The following KCNU1 variants were observed in gnomAD, a reference collection of about 807,000 sequenced individuals.
The protein encoded by KCNU1 is potassium channel subfamily U member 1.
A neutral mutation model predicts 126.8 loss-of-function variants in KCNU1; 93 were observed. That is an observed-to-expected ratio of 0.73 (90% CI 0.62 to 0.87). The LOEUF (loss-of-function observed/expected upper bound fraction) is 0.87, where lower values mean the gene tolerates loss of function less well. Among genes scored for constraint, KCNU1 ranks in the 40% least tolerant of loss-of-function variants. The pLI, the probability that KCNU1 is intolerant of heterozygous loss-of-function variation, is 0.00. For missense variants in KCNU1, 1,330 were observed against 1,367.1 expected (o/e 0.97, Z 0.43); for synonymous variants, 523 against 494.2 (o/e 1.06, Z -0.77).
At chr8:36,879,302 A>C (rs1291581936) in intron 19 of KCNU1, among the ~76,000 whole-genome samples, 1 of 149,608 alleles carries the variant, frequency 6.7e-6, no homozygotes, top group Non-Finnish European at 1.5e-5. Context: ...ATATATACCC[A>C]TATATGCTGT....
intron 18 of KCNU1, among the ~76,000 whole-genome samples, chr8:36,857,205 G>A (rs542638078): frequency 3.3e-5 from 5 of 152,186 alleles, no homozygotes; most frequent in Non-Finnish European, 7.3e-5. Flanking sequence ...CTCTGCCTTG[G>A]GGGTGAGCTG....
chr8:36,863,656 G>A (rs758780238), intron 18 of KCNU1, among the ~76,000 whole-genome samples: 1 of 152,124 alleles, frequency 6.6e-6, no homozygotes, highest in Non-Finnish European at 1.5e-5. Context: ...TGATTCTTGG[G>A]TTGAATCTGG....
intron 2 of KCNU1, among the ~76,000 whole-genome samples, chr8:36,794,271 C>T (rs1585379805): frequency 1.3e-5 from 2 of 151,550 alleles, no homozygotes; most frequent in African/African-American, 2.4e-5. Context: ...CTCTAATTTG[C>T]ACCTTTCTTC....
In KCNU1 at chr8:36,864,423, G is replaced by GA. The variant is rs768019163; in HGVS notation, c.1917dup (p.Cys640MetfsTer36). On this transcript the variant is annotated frameshift_variant, in exon 19 of 27. Coordinates refer to ENST00000399881, the MANE Select transcript of KCNU1 (RefSeq NM_001031836.3). LOFTEE classifies it high-confidence loss of function. ...TTGCAGTGCCATCGGTAAAGAGAATGAAAAAATGTCTGAAGGGAATCTCCT... is the reference window on the plus strand; with the variant it reads ...TTGCAGTGCCATCGGTAAAGAGAATGAAAAAAATGTCTGAAGGGAATCTCCT... 1.9e-6 allele frequency: 3 copies of GA among 1,608,422 alleles called. No homozygotes were observed. Among genetic ancestry groups the GA allele is most frequent in the Non-Finnish European group, 2.6e-6 (3 of 1,175,094 alleles).
chr8:36,834,940 A>G, intron 12 of KCNU1, 72 bp downstream of exon 12: 1 of 941,686 alleles, frequency 1.1e-6, no homozygotes. Flanking sequence ...CCCGGTACAT[A>G]AGCATAAAAA....
chr8:36,862,342 A>T (rs964965119), intron 18 of KCNU1, among the ~76,000 whole-genome samples: 69 of 152,198 alleles, frequency 4.5e-4, no homozygotes, highest in African/African-American at 1.6e-3. Flanking sequence ...TTGAAGCAAT[A>T]TTGAAACTGG....
At chr8:36,916,269 G>A (rs1456746049) in intron 22 of KCNU1, among the ~76,000 whole-genome samples, 1 of 147,056 alleles carries the variant, frequency 6.8e-6, no homozygotes, top group African/African-American at 2.5e-5. Flanking sequence ...GGAAGGAAAG[G>A]AAGGAAGGAA....
chr8:36,836,596 G>C lies in KCNU1; in HGVS notation c.1366-197G>C, dbSNP rs557351003. ...TAGCTATTTTTGTTTCAAAAAATGAGAGCCATTGACCACTAACCACTTTCA... is the reference window on the plus strand; with the variant it reads ...TAGCTATTTTTGTTTCAAAAAATGACAGCCATTGACCACTAACCACTTTCA... On this transcript the variant is annotated intron_variant, in intron 13 of 26. Coordinates refer to ENST00000399881, the MANE Select transcript of KCNU1 (RefSeq NM_001031836.3). 1.5e-4 allele frequency among the ~76,000 whole-genome samples: 23 copies of C among 152,232 alleles called. 1 individual carries two copies. The South Asian group carries it at 3.9e-3, about 26-fold the overall frequency.
intron 14 of KCNU1, among the ~76,000 whole-genome samples, chr8:36,837,757 T>G (rs1317283665): frequency 6.6e-6 from 1 of 152,194 alleles, no homozygotes; most frequent in Admixed American, 6.5e-5. Flanking sequence ...CATGAAATGC[T>G]CCAGGCAAGG....
intron 19 of KCNU1, among the ~76,000 whole-genome samples, chr8:36,869,425 G>T (rs1331892269): frequency 6.6e-6 from 1 of 151,978 alleles, no homozygotes; most frequent in Non-Finnish European, 1.5e-5. Flanking sequence ...ATGTCTTAAT[G>T]GTATCTATGA....
chr8:36,869,249 G>A (rs183281082), intron 19 of KCNU1, among the ~76,000 whole-genome samples: 57 of 152,234 alleles, frequency 3.7e-4, no homozygotes, highest in Admixed American at 3.2e-3. Context: ...TCCAAGCATT[G>A]TATAACAGAC....
At chr8:36,847,776 C>T (rs76438005) in intron 18 of KCNU1, among the ~76,000 whole-genome samples, 2,906 of 152,214 alleles carry the variant, frequency 0.019, 28 homozygotes, top group Non-Finnish European at 0.028. Flanking sequence ...CTACAATAAA[C>T]ATGGAAGTGC....
At chr8:36,786,826 C>T (rs1802727042) in intron 1 of KCNU1, among the ~76,000 whole-genome samples, 1 of 152,148 alleles carries the variant, frequency 6.6e-6, no homozygotes, top group Non-Finnish European at 1.5e-5. Context: ...CAGAATATAA[C>T]ACCAGGCAAA....
intron 1 of KCNU1, among the ~76,000 whole-genome samples, chr8:36,786,606 A>G (rs2130312666): frequency 6.6e-6 from 1 of 152,262 alleles, no homozygotes; most frequent in South Asian, 2.1e-4. Flanking sequence ...GTGGTTCTAG[A>G]CTATTATCAA....
chr8:36,865,328 A>G (rs1044645347), intron 19 of KCNU1, among the ~76,000 whole-genome samples: 27 of 152,140 alleles, frequency 1.8e-4, no homozygotes, highest in African/African-American at 5.8e-4. Context: ...TAAAACTACT[A>G]TATGATCCAG....
chr8:36,845,836 G>A lies in KCNU1; in HGVS notation c.1828G>A (p.Val610Met), dbSNP rs1805124785. Residue 610 changes from valine (V) to methionine (M), a missense_variant, in exon 18 of 27, where the codon GTG becomes ATG. Around this residue, in one of 3 missense-constraint regions of KCNU1, gnomAD observed 1,054 missense variants for 1,053.9 expected, o/e 1.00. Transcript: ENST00000399881. The stretch of plus-strand genomic sequence containing the variant: ...TTACTGTTCAGTCTGTCATGATGAT[G>A]TGTTCATTCCTGAGCTAATTACAAA... ...LFYCSVCHDD[V>M]FIPELITNCG... 1 of 1,610,304 alleles carries A rather than the reference G, an allele frequency of 6.2e-7. No individual in the cohort carries two copies. Among genetic ancestry groups the A allele is most frequent in the East Asian group, 2.2e-5 (1 of 44,702 alleles).
At chr8:36,930,209 T>C (rs1720677315) in intron 24 of KCNU1, among the ~76,000 whole-genome samples, 1 of 152,126 alleles carries the variant, frequency 6.6e-6, no homozygotes, top group Admixed American at 6.6e-5. Flanking sequence ...GACCTTTCCA[T>C]GTATGTTAAT....
intron 7 of KCNU1, among the ~76,000 whole-genome samples, chr8:36,811,257 T>A (rs1383782700): frequency 2.6e-5 from 4 of 152,174 alleles, no homozygotes; most frequent in Admixed American, 6.5e-5. Flanking sequence ...AACAAGGTGT[T>A]GAACCTGTAG....
intron 10 of KCNU1, among the ~76,000 whole-genome samples, chr8:36,827,018 A>C (rs1185707225): frequency 6.6e-6 from 1 of 152,180 alleles, no homozygotes; most frequent in Non-Finnish European, 1.5e-5. Flanking sequence ...TAGATGTTAC[A>C]TACACTGTCT....
Sources: gnomAD v4.1 joint callset for allele counts (sites outside exome capture counted in the v4.1 genomes callset) on GRCh38, gnomAD v4.1.1 for gene constraint, gnomAD v4.1.1 regional missense constraint, MANE v1.5 for transcripts, NCBI Gene and HGNC (gene_info 2026-07-23, HGNC 2026-07-21) for gene names.